Variants in EFTUD2 observed in about 807,000 individuals in gnomAD.
EFTUD2 encodes elongation factor Tu GTP binding domain containing 2.
EFTUD2 carries 9 observed loss-of-function variants against 114.3 expected under a neutral mutation model. The observed-to-expected ratio is 0.08, with a 90% confidence interval of 0.05 to 0.14. The LOEUF (loss-of-function observed/expected upper bound fraction) is 0.14, where lower values mean the gene tolerates loss of function less well. Ranked by LOEUF, EFTUD2 falls within the 10% of genes least tolerant of loss-of-function variation. The probability of loss-of-function intolerance (pLI) is 1.00; values close to 1 mark genes in which losing one functional copy is unlikely to be tolerated. For synonymous variants in EFTUD2, 449 were observed against 462.3 expected, an observed-to-expected ratio of 0.97 and a Z score of 0.37; for missense variants, 765 against 1,241.2, an observed-to-expected ratio of 0.62 and a Z score of 5.76.
intron 9 of EFTUD2, among the ~76,000 whole-genome samples, chr17:44,878,101 A>G (rs936217935): frequency 7.9e-5 from 12 of 152,132 alleles, no homozygotes; most frequent in African/African-American, 2.9e-4. Context: ...GCACCACTTC[A>G]CTCCAGCCTG....
chr17:44,882,033 T>TA (rs1367458086), intron 6 of EFTUD2, among the ~76,000 whole-genome samples: 1 of 152,114 alleles, frequency 6.6e-6, no homozygotes, highest in East Asian at 1.9e-4. Flanking sequence ...CTCCAGGGTT[T>TA]AAGAGATTCT....
chr17:44,861,179 G>A (rs2050652592), intron 16 of EFTUD2, among the ~76,000 whole-genome samples: 1 of 152,154 alleles, frequency 6.6e-6, no homozygotes, highest in Non-Finnish European at 1.5e-5. Flanking sequence ...GGCGGCTCAC[G>A]CTTATAATCC....
At chr17:44,853,710 CCTGCAACACTGCAGCTGT>C (rs2050497141) in intron 23 of EFTUD2, 75 bp from the exon 24 acceptor site, 1 of 1,588,922 alleles carries the variant, frequency 6.3e-7, no homozygotes, top group Admixed American at 1.7e-5. Context: ...GTAGCAGTCT[CCTGCAACACTGCAGCTGT>C]CTTGCAGTCA....
chr17:44,865,260 A>G, intron 13 of EFTUD2, 195 bp from the exon 14 acceptor site: 1 of 663,486 alleles, frequency 1.5e-6, no homozygotes. Context: ...CCACAGGCAA[A>G]GCCAACTTGG....
At chr17:44,873,406 A>G (rs2050889419) in intron 10 of EFTUD2, among the ~76,000 whole-genome samples, 1 of 152,064 alleles carries the variant, frequency 6.6e-6, no homozygotes, top group South Asian at 2.1e-4. Context: ...CCCAGGCTGG[A>G]GCACAGTGGT....
chr17:44,887,267 CAA>C (rs1462968679), intron 2 of EFTUD2, among the ~76,000 whole-genome samples: 1 of 152,158 alleles, frequency 6.6e-6, no homozygotes, highest in African/African-American at 2.4e-5. Context: ...GGTAGTTCCT[CAA>C]AATGTTCAAC....
At chr17:44,858,993 C>T (rs2050607322) in intron 19 of EFTUD2, 87 bp downstream of exon 19, 2 of 894,780 alleles carry the variant, frequency 2.2e-6, no homozygotes, top group Non-Finnish European at 1.9e-6. Context: ...ACTCTCTCTT[C>T]CCTTGGAGCT....
At chr17:44,870,034 G>A (rs969651545) in intron 11 of EFTUD2, among the ~76,000 whole-genome samples, 17 of 152,140 alleles carry the variant, frequency 1.1e-4, no homozygotes, top group Admixed American at 1.0e-3. Context: ...TGTGACCATG[G>A]GCATAGTTTC....
In EFTUD2 at chr17:44,867,866, T is replaced by C. The variant is rs759736867; in HGVS notation, c.1090A>G (p.Ser364Gly). ...AACTCCACGAAACTTCTCTGGGAGCTGCTAGTTGGGGCCTTTTTGGTGAAC... is the reference window on the plus strand; with the variant it reads ...AACTCCACGAAACTTCTCTGGGAGCCGCTAGTTGGGGCCTTTTTGGTGAAC... ...RKFTKKAPTS[S>G]SQRSFVEFIL... The change falls in exon 13 of 28, where the codon AGC (serine) becomes GGC (glycine). Residue 364 changes from serine (S) to glycine (G), a missense_variant. By Grantham distance (56) the Ser-to-Gly change is moderately conservative. This residue lies in a region of EFTUD2 where 251 missense variants were observed against 357.7 expected (regional missense o/e 0.70). Coordinates refer to ENST00000426333, the MANE Select transcript of EFTUD2 (RefSeq NM_004247.4). The C allele has an allele frequency of 5.0e-6, 8 of 1,605,092 alleles. No individual in the cohort carries two copies.
intron 10 of EFTUD2, among the ~76,000 whole-genome samples, chr17:44,874,893 A>T (rs2050918866): frequency 6.6e-6 from 1 of 152,270 alleles, no homozygotes; most frequent in African/African-American, 2.4e-5. Flanking sequence ...TCCATCAAAT[A>T]TCTATTTAAT....
intron 14 of EFTUD2, 160 bp from the exon 15 acceptor site, chr17:44,863,942 G>T: frequency 2.2e-6 from 2 of 925,766 alleles, no homozygotes; most frequent in Non-Finnish European, 3.1e-6. Context: ...TGCTTCCTGG[G>T]AATGTGCTGC....
chr17:44,851,008 T>G lies in EFTUD2; in HGVS notation c.*266A>C. On this transcript the variant is annotated 3_prime_UTR_variant, in exon 28 of 28. Transcript: ENST00000426333. ...ATCCCAAAGATAGGGCCCCTTGGGG[T>G]TTCATCCCCTTCTCTTTCTGTGAGC... 1 of 455,004 alleles carries G rather than the reference T, an allele frequency of 2.2e-6. No homozygotes were observed. Among genetic ancestry groups the G allele is most frequent in the Non-Finnish European group, 4.0e-6 (1 of 250,488 alleles). The allele number at this position is 455,004 out of a possible 1,614,324, so 28.2% of individuals were successfully genotyped here. A position where few individuals can be genotyped will look rare whatever the true frequency, so the allele number is the denominator to read the frequency against.
At chr17:44,865,754 A>G (rs1007025560) in intron 13 of EFTUD2, among the ~76,000 whole-genome samples, 17 of 152,122 alleles carry the variant, frequency 1.1e-4, no homozygotes, top group Non-Finnish European at 1.5e-5. Context: ...GAAAATTCCT[A>G]TAATTTTTAC....
Position 44,855,024 on chromosome 17 carries a change from G to A in EFTUD2, c.2046-20C>T. 6.2e-7 allele frequency: 1 copy of A among 1,606,460 alleles called. No homozygotes were observed. The highest frequency in any genetic ancestry group is 8.5e-7 in the Non-Finnish European group (1 of 1,173,118). On this transcript the variant is annotated intron_variant, in intron 20 of 27. Transcript: ENST00000426333. The stretch of plus-strand genomic sequence containing the variant: ...TTGTTCCTGGTCAGAATGGAAATGG[G>A]TGGTAAGGACGGCTAACAGAACAGC...
At chr17:44,884,529 AAAAG>A (rs995360172) in intron 4 of EFTUD2, among the ~76,000 whole-genome samples, 4 of 149,838 alleles carry the variant, frequency 2.7e-5, no homozygotes, top group African/African-American at 4.9e-5. Flanking sequence ...GAAAAAAAAA[AAAAG>A]AGAGAGAGAG....
At chr17:44,868,489 G>T in intron 11 of EFTUD2, 139 bp from the exon 12 acceptor site, 2 of 707,998 alleles carry the variant, frequency 2.8e-6, no homozygotes, top group Non-Finnish European at 2.3e-6. Flanking sequence ...TCTAACCAGA[G>T]AGGAAAACGA....
chr17:44,875,857 C>G (rs2050938483), intron 10 of EFTUD2, 77 bp downstream of exon 10: 1 of 1,531,670 alleles, frequency 6.5e-7, no homozygotes, highest in Non-Finnish European at 8.9e-7. Flanking sequence ...AAATAAATCA[C>G]AGTTGTTCCC....
intron 14 of EFTUD2, 104 bp from the exon 15 acceptor site, chr17:44,863,886 C>A: frequency 6.8e-7 from 1 of 1,465,240 alleles, no homozygotes; most frequent in South Asian, 1.3e-5. Context: ...AGTGCGGGGA[C>A]TGATTGTTAG....
At chr17:44,852,847 C>T (rs1298520126) in intron 25 of EFTUD2, among the ~76,000 whole-genome samples, 1 of 151,762 alleles carries the variant, frequency 6.6e-6, no homozygotes, top group Admixed American at 6.6e-5. Flanking sequence ...GCACTGCCTC[C>T]AACAGCTCTG....
Sources: allele counts gnomAD v4.1 joint callset (sites outside exome capture counted in the v4.1 genomes callset), GRCh38; gene constraint gnomAD v4.1.1; regional missense constraint gnomAD v4.1.1; transcripts MANE v1.5; gene names NCBI Gene and HGNC (gene_info 2026-07-23, HGNC 2026-07-21).